MINK1: variants seen among roughly 807,000 people sequenced by gnomAD.
The protein encoded by MINK1 is misshapen-like kinase 1.
A neutral mutation model predicts 178.4 loss-of-function variants in MINK1; 46 were observed. The observed-to-expected ratio is 0.26, with a 90% CI of 0.20 to 0.33. The LOEUF is 0.33. Ranked by LOEUF, MINK1 falls within the 10% of genes least tolerant of loss-of-function variation. The pLI, the probability that MINK1 is intolerant of heterozygous loss-of-function variation, is 1.00. For synonymous variants in MINK1, 797 were observed against 709.7 expected, an observed-to-expected ratio of 1.12 and a Z score of -1.96; for missense variants, 1,366 against 1,814.9, an observed-to-expected ratio of 0.75 and a Z score of 4.49.
Position 4,885,360 on chromosome 17 carries a change from G to A in MINK1, c.509-123G>A, listed in dbSNP as rs902824302. 4.0e-5 allele frequency: 52 copies of A among 1,285,322 alleles called. No individual in the cohort carries two copies. Among genetic ancestry groups the A allele is most frequent in the Non-Finnish European group, 5.7e-5 (52 of 915,520 alleles). 79.6% of individuals were successfully genotyped at this position (1,285,322 alleles called of 1,614,324 possible). ...GGTGGTGGGGTAAAGGAGGGTGCTGGGGTGTCTGGGTCGGGCCAGGACCAC... is the reference window on the plus strand; with the variant it reads ...GGTGGTGGGGTAAAGGAGGGTGCTGAGGTGTCTGGGTCGGGCCAGGACCAC... On this transcript the variant is annotated intron_variant, in intron 6 of 31. Coordinates refer to ENST00000355280, the MANE Select transcript of MINK1 (RefSeq NM_153827.5). The surrounding 1 kb of genome is among the most constrained non-coding windows in gnomAD (Gnocchi z 5.0).
chr17:4,886,347 A>T lies in MINK1; in HGVS notation c.774-104A>T. 1 of 1,498,754 alleles carries T rather than the reference A, an allele frequency of 6.7e-7. No individual in the cohort carries two copies. The highest frequency in any genetic ancestry group is 1.2e-5 in the South Asian group (1 of 84,382). The allele number at this position is 1,498,754 out of a possible 1,614,324, so 92.8% of individuals were successfully genotyped here. A position where few individuals can be genotyped will look rare whatever the true frequency, so the allele number is the denominator to read the frequency against. On this transcript the variant is annotated intron_variant, in intron 9 of 31. Coordinates refer to ENST00000355280, the MANE Select transcript of MINK1 (RefSeq NM_153827.5). The surrounding 1 kb of genome is among the most constrained non-coding windows in gnomAD (Gnocchi z 6.1). ...GTGACTGGTGTTGGGATATGAAGAC[A>T]GGAGGGACGTCAAGGTGGCTTGTGG...
rs772625689 is a variant in MINK1, at chr17:4,896,176, C to T, written c.3466-17C>T. On this transcript the variant is annotated splice_polypyrimidine_tract_variant and intron_variant, in intron 28 of 31. Transcript: ENST00000355280. The surrounding 1 kb of genome is among the most constrained non-coding windows in gnomAD (Gnocchi z 4.6). ...TCCCCGTGCCCCTGAGCCCTCCTCTCCTCCGGTTCTCTGCAGTCCTTTGCC... is the reference window on the plus strand; with the variant it reads ...TCCCCGTGCCCCTGAGCCCTCCTCTTCTCCGGTTCTCTGCAGTCCTTTGCC... 6.9e-6 allele frequency: 11 copies of T among 1,600,324 alleles called. No homozygotes were observed. In the South Asian group the frequency reaches 9.0e-5, roughly 13 times the overall value.
intron 1 of MINK1, among the ~76,000 whole-genome samples, chr17:4,873,746 G>A (rs1321604300): frequency 2.0e-5 from 3 of 150,004 alleles, no homozygotes; most frequent in East Asian, 1.9e-4. Context: ...AGCCTCCCAA[G>A]TAGCTGGGTT....
intron 1 of MINK1, among the ~76,000 whole-genome samples, chr17:4,869,405 T>C (rs1291829732): frequency 2.6e-5 from 4 of 151,890 alleles, no homozygotes; most frequent in African/African-American, 9.7e-5. Flanking sequence ...TCCCTAGTAA[T>C]TGGGACTACA....
intron 1 of MINK1, 64 bp from the exon 2 acceptor site, chr17:4,878,253 C>G (rs1022246221): frequency 9.1e-6 from 13 of 1,435,494 alleles, no homozygotes; most frequent in East Asian, 2.5e-5. Context: ...CACTTTACCC[C>G]CCTCTAGCTC....
Position 4,887,797 on chromosome 17 carries a change from T to C in MINK1, c.1230+7T>C, listed in dbSNP as rs1411571050. 1 of 1,498,580 alleles carries C rather than the reference T, an allele frequency of 6.7e-7. No individual in the cohort carries two copies. Among genetic ancestry groups the C allele is most frequent in the Middle Eastern group, 1.8e-4 (1 of 5,510 alleles). 92.8% of individuals were successfully genotyped at this position (1,498,580 alleles called of 1,614,324 possible). ...GCGGCGCCGCGTGGAGGAGGTGGGC[T>C]GTCTCCGAAGGGCCCAGGCCTGGCG... is the stretch of plus-strand genomic sequence containing the variant. On this transcript the variant is annotated splice_region_variant and intron_variant, in intron 12 of 31. Coordinates refer to ENST00000355280, the MANE Select transcript of MINK1 (RefSeq NM_153827.5). This position sits in a 1 kb window ranked among gnomAD's most constrained non-coding sequence, Gnocchi z 7.6.
chr17:4,891,742 GA>G, intron 16 of MINK1, 26 bp downstream of exon 16: 3 of 1,581,160 alleles, frequency 1.9e-6, no homozygotes, highest in Non-Finnish European at 8.6e-7. Flanking sequence ...CAGGCCCAGG[GA>G]AAAGCAGAGA....
Position 4,896,934 on chromosome 17 carries a change from G to A in MINK1, c.3915+121G>A. On this transcript the variant is annotated intron_variant, in intron 31 of 31. Transcript: ENST00000355280. This position sits in a 1 kb window ranked among gnomAD's most constrained non-coding sequence, Gnocchi z 4.6. ...TTCCTGAAAGCGGGCCCCTCTGGGA[G>A]CTCAGAGGGCAGTCAGCCACTACCA... The A allele has an allele frequency of 2.2e-6, 3 of 1,338,978 alleles. No homozygotes were observed. The highest frequency in any genetic ancestry group is 3.0e-6 in the Non-Finnish European group (3 of 1,000,574). 82.9% of individuals were successfully genotyped at this position (1,338,978 alleles called of 1,614,324 possible). A position where few individuals can be genotyped will look rare whatever the true frequency, so the allele number is the denominator to read the frequency against.
chr17:4,851,947 C>T (rs1201040786), intron 1 of MINK1, among the ~76,000 whole-genome samples: 1 of 134,642 alleles, frequency 7.4e-6, no homozygotes, highest in African/African-American at 2.8e-5. Context: ...ATGCGGTGAG[C>T]TGAGATCACC....
chr17:4,838,697 C>A (rs1239000414), intron 1 of MINK1, among the ~76,000 whole-genome samples: 1 of 152,168 alleles, frequency 6.6e-6, no homozygotes, highest in East Asian at 1.9e-4. Flanking sequence ...TGGAGAACAT[C>A]TCCAGAAGCC....
At position 4,885,675 on chromosome 17, in the gene MINK1, C is replaced by CG; in HGVS notation, c.639+66dup. 6.2e-7 allele frequency: 1 copy of CG among 1,601,610 alleles called. No individual in the cohort carries two copies. Among genetic ancestry groups the CG allele is most frequent in the Non-Finnish European group, 8.5e-7 (1 of 1,171,822 alleles). ...AGGGCGGGAAGCAATATGGGGACCA[C>CG]GGGGCCTGAGCAGGCTGGGGAACAG... On this transcript the variant is annotated intron_variant, in intron 7 of 31. Transcript: ENST00000355280. The surrounding 1 kb of genome is among the most constrained non-coding windows in gnomAD (Gnocchi z 5.0).
Position 4,894,711 on chromosome 17 carries a change from G to A in MINK1, c.2917+78G>A, listed in dbSNP as rs1000295191. The A allele has an allele frequency of 1.9e-5, 21 of 1,131,846 alleles. No homozygotes were observed. The highest frequency in any genetic ancestry group is 2.2e-5 in the Non-Finnish European group (17 of 769,268). The allele number at this position is 1,131,846 out of a possible 1,614,324, so 70.1% of individuals were successfully genotyped here. On this transcript the variant is annotated intron_variant, in intron 24 of 31. Transcript: ENST00000355280. The surrounding 1 kb of genome is among the most constrained non-coding windows in gnomAD (Gnocchi z 4.1). The stretch of plus-strand genomic sequence containing the variant: ...GAGGGGAGCACAGTGGTCTTGAGAC[G>A]CAGCCTCACAAAGCATAGCCACAGG...
intron 1 of MINK1, among the ~76,000 whole-genome samples, chr17:4,876,010 T>C (rs1597491407): frequency 6.6e-6 from 1 of 152,090 alleles, no homozygotes; most frequent in South Asian, 2.1e-4. Context: ...TTAGCCAGGA[T>C]GGTCTCGATA....
At chr17:4,855,190 T>TAAAAAA (rs151257228) in intron 1 of MINK1, among the ~76,000 whole-genome samples, 1 of 130,166 alleles carries the variant, frequency 7.7e-6, no homozygotes. Context: ...ACTCCTGTCT[T>TAAAAAA]AAAAAAAAAA....
At chr17:4,859,545 T>C (rs117661293) in intron 1 of MINK1, among the ~76,000 whole-genome samples, 1,613 of 152,120 alleles carry the variant, frequency 0.011, 16 homozygotes, top group Middle Eastern at 0.014. Flanking sequence ...CCCAGCACTT[T>C]GGGAGGCTGA....
chr17:4,897,505 CCAGCTTCTGGGGAGGGACA>C lies in MINK1; in HGVS notation c.*226_*244del. Reference sequence around the variant, plus strand: ...CCTCTTCCCAAAACTGTGCCTGTCCCCAGCTTCTGGGGAGGGACACAGCTTCCCCTTCCCAGGAATTGAG... The same window carrying C: ...CCTCTTCCCAAAACTGTGCCTGTCCCCAGCTTCCCCTTCCCAGGAATTGAG... On this transcript the variant is annotated 3_prime_UTR_variant, in exon 32 of 32. Transcript: ENST00000355280. 3 of 533,448 alleles carry C rather than the reference CCAGCTTCTGGGGAGGGACA, an allele frequency of 5.6e-6. No homozygotes were observed. The highest frequency in any genetic ancestry group is 3.5e-5 in the Admixed American group (1 of 28,850). 33.0% of individuals were successfully genotyped at this position (533,448 alleles called of 1,614,324 possible).
rs905640348 is a variant in MINK1, at chr17:4,897,700, T to TG, written c.*421dup. 351 of 155,276 alleles carry TG rather than the reference T, an allele frequency of 2.3e-3. 1 individual carries two copies. The highest frequency in any genetic ancestry group is 3.4e-3 in the Non-Finnish European group (240 of 70,358). 9.6% of individuals were successfully genotyped at this position (155,276 alleles called of 1,614,324 possible). A position where few individuals can be genotyped will look rare whatever the true frequency, so the allele number is the denominator to read the frequency against. On this transcript the variant is annotated 3_prime_UTR_variant, in exon 32 of 32. Coordinates refer to ENST00000355280, the MANE Select transcript of MINK1 (RefSeq NM_153827.5). Reference sequence around the variant, plus strand: ...CTCCCCCCTTGAATGTACCAGACCCTGGGGGGGGTCACTGGGCCCTAGATT... The same window carrying TG: ...CTCCCCCCTTGAATGTACCAGACCCTGGGGGGGGGTCACTGGGCCCTAGATT...
Position 4,896,901 on chromosome 17 carries a change from G to A in MINK1, c.3915+88G>A, listed in dbSNP as rs1352841776. ...GCAGAGTTCTGGGGAGAGGATGGTGGTGGTGGCTTCCTGAAAGCGGGCCCC... is the reference window on the plus strand; with the variant it reads ...GCAGAGTTCTGGGGAGAGGATGGTGATGGTGGCTTCCTGAAAGCGGGCCCC... On this transcript the variant is annotated intron_variant, in intron 31 of 31. Transcript: ENST00000355280. The surrounding 1 kb of genome is among the most constrained non-coding windows in gnomAD (Gnocchi z 4.6). The A allele has an allele frequency of 2.0e-6, 3 of 1,468,712 alleles. No individual in the cohort carries two copies. Among genetic ancestry groups the A allele is most frequent in the Non-Finnish European group, 2.7e-6 (3 of 1,108,292 alleles). 91.0% of individuals were successfully genotyped at this position (1,468,712 alleles called of 1,614,324 possible).
Position 4,894,880 on chromosome 17 carries a change from A to C in MINK1, c.2918-195A>C, listed in dbSNP as rs1050845369. 26 of 677,504 alleles carry C rather than the reference A, an allele frequency of 3.8e-5. No individual in the cohort carries two copies. Among genetic ancestry groups the C allele is most frequent in the Non-Finnish European group, 6.4e-5 (26 of 405,078 alleles). The allele number at this position is 677,504 out of a possible 1,614,324, so 42.0% of individuals were successfully genotyped here. On this transcript the variant is annotated intron_variant, in intron 24 of 31. Coordinates refer to ENST00000355280, the MANE Select transcript of MINK1 (RefSeq NM_153827.5). This position sits in a 1 kb window ranked among gnomAD's most constrained non-coding sequence, Gnocchi z 4.1. ...AGACTCAAAGCTAACAAGTGACAGA[A>C]ATGGGACTTGAGCCAGACCTTTTGA...
Sources: gnomAD v4.1 joint callset for allele counts (sites outside exome capture counted in the v4.1 genomes callset) on GRCh38, gnomAD v4.1.1 for gene constraint, Gnocchi (gnomAD v3.1) non-coding constraint, MANE v1.5 for transcripts, NCBI Gene and HGNC (gene_info 2026-07-23, HGNC 2026-07-21) for gene names.